Variants in PABPC4L observed in about 807,000 individuals in gnomAD.
The protein encoded by PABPC4L is polyadenylate-binding protein 4-like.
For synonymous variants in PABPC4L, 169 were observed against 164.1 expected (o/e 1.03, Z -0.23); for missense variants, 452 against 451.4 (o/e 1.00, Z -0.01).
the PABPC4L span, among the ~76,000 whole-genome samples, chr4:134,107,980 A>G: frequency 6.6e-6 from 1 of 151,712 alleles, no homozygotes. Context: ...AATTGATTAT[A>G]TTAAAGCTTA....
chr4:134,024,811 CT>C, the PABPC4L span, among the ~76,000 whole-genome samples: 412 of 124,332 alleles, frequency 3.3e-3, no homozygotes, highest in East Asian at 7.1e-3. Context: ...AATAAACTAG[CT>C]TTTTTTTTTT....
the PABPC4L span, among the ~76,000 whole-genome samples, chr4:134,023,274 C>T: frequency 2.0e-5 from 3 of 152,084 alleles, no homozygotes; most frequent in African/African-American, 7.2e-5. Flanking sequence ...AAATTAAATG[C>T]AATTTACCAA....
the PABPC4L span, among the ~76,000 whole-genome samples, chr4:134,058,439 A>G: frequency 6.6e-6 from 1 of 152,014 alleles, no homozygotes; most frequent in Non-Finnish European, 1.5e-5. Context: ...TTTTCAGTAT[A>G]TTAAAAAAAG....
chr4:134,200,560 T>C lies in PABPC4L; in HGVS notation c.460A>G (p.Ile154Val), dbSNP rs764049738. ...FQNQSAADRAIEEMNGKLLKG... is the reference protein window; with the variant it reads ...FQNQSAADRAVEEMNGKLLKG... ...AGTAGTTTTCCATTCATCTCCTCAA[T>C]GGCCCTGTCTGCAGCACTCTGGTTC... The change falls in exon 2 of 2, where the codon ATT becomes GTT. Residue 154 changes from isoleucine (I) to valine (V), a missense_variant. By Grantham distance (29) the Ile-to-Val change is conservative. Transcript: ENST00000421491. The C allele has an allele frequency of 7.7e-6, 12 of 1,551,568 alleles. No individual in the cohort carries two copies. The South Asian group carries it at 9.5e-5, about 12-fold the overall frequency.
chr4:133,978,582 G>A, the PABPC4L span, among the ~76,000 whole-genome samples: 2 of 151,950 alleles, frequency 1.3e-5, no homozygotes, highest in Admixed American at 6.6e-5. Flanking sequence ...TGTGTTGTGT[G>A]TATCTCCAAT....
At chr4:134,090,455 C>T in the PABPC4L span, among the ~76,000 whole-genome samples, 1 of 151,972 alleles carries the variant, frequency 6.6e-6, no homozygotes, top group Non-Finnish European at 1.5e-5. Flanking sequence ...ACCAAAGTCT[C>T]AGCACTATTC....
chr4:134,093,532 T>C, the PABPC4L span, among the ~76,000 whole-genome samples: 1 of 150,732 alleles, frequency 6.6e-6, no homozygotes, highest in Non-Finnish European at 1.5e-5. Flanking sequence ...ATTAAAGTCA[T>C]CAAAGACCAG....
At chr4:134,002,361 T>G in the PABPC4L span, among the ~76,000 whole-genome samples, 1 of 151,856 alleles carries the variant, frequency 6.6e-6, no homozygotes, top group Non-Finnish European at 1.5e-5. Flanking sequence ...AATAAAAATA[T>G]GAAATCATTT....
At chr4:134,192,143 A>T (rs537644741), downstream of PABPC4L, among the ~76,000 whole-genome samples, 8 of 152,270 alleles carry the variant, frequency 5.3e-5, no homozygotes, top group East Asian at 1.5e-3. Flanking sequence ...ATATATGAAT[A>T]AACAAAATGT....
At chr4:134,182,362 A>G in the PABPC4L span, among the ~76,000 whole-genome samples, 43 of 151,482 alleles carry the variant, frequency 2.8e-4, no homozygotes, top group Non-Finnish European at 5.2e-4. Flanking sequence ...AAGGGACTCT[A>G]TTATATAAAT....
chr4:134,098,273 T>G, the PABPC4L span, among the ~76,000 whole-genome samples: 1 of 151,732 alleles, frequency 6.6e-6, no homozygotes, highest in Non-Finnish European at 1.5e-5. Flanking sequence ...TACACAAATT[T>G]ATAGACAGGC....
downstream of PABPC4L, among the ~76,000 whole-genome samples, chr4:134,193,405 T>A (rs920364719): frequency 1.1e-4 from 16 of 151,970 alleles, no homozygotes; most frequent in African/African-American, 3.9e-4. Context: ...TTTAAAAATA[T>A]AAATATTTGA....
At chr4:134,121,644 C>T in the PABPC4L span, among the ~76,000 whole-genome samples, 1 of 151,628 alleles carries the variant, frequency 6.6e-6, no homozygotes, top group Non-Finnish European at 1.5e-5. Context: ...TTGTTTGTTT[C>T]CCACAATTCA....
the PABPC4L span, among the ~76,000 whole-genome samples, chr4:134,027,486 G>T: frequency 2.0e-5 from 3 of 152,008 alleles, no homozygotes; most frequent in Non-Finnish European, 2.9e-5. Context: ...TTTTTTGTTG[G>T]ACATTAGGCT....
At chr4:134,122,817 A>T in the PABPC4L span, among the ~76,000 whole-genome samples, 48 of 151,986 alleles carry the variant, frequency 3.2e-4, 1 homozygote, top group Admixed American at 8.5e-4. Flanking sequence ...TCTTCTACTT[A>T]TGTATTGATG....
chr4:134,067,978 T>C, the PABPC4L span, among the ~76,000 whole-genome samples: 24 of 152,004 alleles, frequency 1.6e-4, no homozygotes, highest in Admixed American at 1.6e-3. Flanking sequence ...GTGCAGATAA[T>C]AAAAAATGTA....
chr4:134,170,116 C>A, the PABPC4L span, among the ~76,000 whole-genome samples: 2 of 152,264 alleles, frequency 1.3e-5, no homozygotes, highest in East Asian at 3.9e-4. Context: ...TTAGCTCCCA[C>A]TTATAAGTGA....
the PABPC4L span, among the ~76,000 whole-genome samples, chr4:134,012,822 T>C: frequency 6.6e-6 from 1 of 152,102 alleles, no homozygotes; most frequent in Admixed American, 6.6e-5. Flanking sequence ...TCCCTCAACC[T>C]CTTTCTCCTT....
chr4:134,062,642 T>G, the PABPC4L span, among the ~76,000 whole-genome samples: 1 of 152,094 alleles, frequency 6.6e-6, no homozygotes, highest in Non-Finnish European at 1.5e-5. Context: ...TAATTAAAAC[T>G]TAGGCTTACA....
Sources: gnomAD v4.1 joint callset for allele counts (sites outside exome capture counted in the v4.1 genomes callset) on GRCh38, gnomAD v4.1.1 for gene constraint, MANE v1.5 for transcripts, NCBI Gene and HGNC (gene_info 2026-07-23, HGNC 2026-07-21) for gene names.